The following MAN1C1 variants were observed in gnomAD, a reference collection of about 807,000 sequenced individuals.
MAN1C1 encodes mannosidase alpha class 1C member 1, also known as mannosyl-oligosaccharide 1,2-alpha-mannosidase IC.
MAN1C1 carries 49 observed loss-of-function variants against 71.5 expected under a neutral mutation model. The observed-to-expected ratio is 0.69, with a 90% CI of 0.54 to 0.87. The LOEUF (loss-of-function observed/expected upper bound fraction) is 0.87. MAN1C1 is among the 40% of genes least tolerant of loss of function. The pLI is 0.00. For synonymous variants in MAN1C1, 352 were observed against 343.7 expected (o/e 1.02, Z -0.27); for missense variants, 743 against 835.0 (o/e 0.89, Z 1.36).
intron 1 of MAN1C1, among the ~76,000 whole-genome samples, chr1:25,672,980 G>A (rs544947995): frequency 1.3e-5 from 2 of 152,222 alleles, no homozygotes; most frequent in African/African-American, 4.8e-5. Flanking sequence ...AGAAAGGATG[G>A]GGGTGACATG....
In MAN1C1 at chr1:25,775,637, G is replaced by A. The variant is rs925664431; in HGVS notation, c.1258-2468G>A. Among the ~76,000 whole-genome samples, 11 of 152,222 alleles carry A rather than the reference G, an allele frequency of 7.2e-5. No homozygotes were observed. The highest frequency in any genetic ancestry group is 2.7e-4 in the African/African-American group (11 of 41,448). ...TGACAGGGGCCCATAGGTAATGGCA[G>A]TGGCAGTGCTGGTTTAAATTGGGGC... On this transcript the variant is annotated intron_variant, in intron 8 of 11. Transcript: ENST00000374332. This position sits in a 1 kb window ranked among gnomAD's most constrained non-coding sequence, Gnocchi z 5.1.
chr1:25,687,764 G>T (rs553926382), intron 2 of MAN1C1, among the ~76,000 whole-genome samples: 59 of 152,068 alleles, frequency 3.9e-4, no homozygotes, highest in African/African-American at 1.3e-3. Flanking sequence ...GCAGCTTTAT[G>T]TATTTATTTT....
rs1363635970 is a variant in MAN1C1, at chr1:25,642,839, C to T, written c.540+24502C>T. ...GGCCGCTGGCTGCAGGAAGCAGTGA[C>T]GAGGATGGAGCTTGGCAGATGGTTG... On this transcript the variant is annotated intron_variant, in intron 1 of 11. Coordinates refer to ENST00000374332, the MANE Select transcript of MAN1C1 (RefSeq NM_020379.4). Among the ~76,000 whole-genome samples the T allele has an allele frequency of 3.3e-5, 5 of 152,240 alleles. No homozygotes were observed. The East Asian group carries it at 7.7e-4, about 23-fold the overall frequency.
intron 2 of MAN1C1, among the ~76,000 whole-genome samples, chr1:25,720,597 T>C (rs187715335): frequency 1.5e-4 from 23 of 152,348 alleles, no homozygotes; most frequent in African/African-American, 5.5e-4. Context: ...GACATATGAT[T>C]TGCAAGTATT....
At chr1:25,635,897 C>T (rs12402029) in intron 1 of MAN1C1, among the ~76,000 whole-genome samples, 13,521 of 152,162 alleles carry the variant, frequency 0.089, 1,343 homozygotes, top group East Asian at 0.22. Flanking sequence ...AGGTTCTTTC[C>T]ATTTTCCGTA....
chr1:25,617,268 G>T lies in MAN1C1; in HGVS notation c.-530G>T, dbSNP rs2045113498. 1.3e-5 allele frequency among the ~76,000 whole-genome samples: 2 copies of T among 151,924 alleles called. No homozygotes were observed. The highest frequency in any genetic ancestry group is 2.9e-5 in the Non-Finnish European group (2 of 67,940). On this transcript the variant is annotated 5_prime_UTR_variant, in exon 1 of 12. Transcript: ENST00000374332. The surrounding 1 kb of genome is among the most constrained non-coding windows in gnomAD (Gnocchi z 5.1). ...CGGGCCGGGTGTGCGCGCGCTCGGG[G>T]CGGCGCTGACACGCCAGCCCCCCAT...
intron 2 of MAN1C1, among the ~76,000 whole-genome samples, chr1:25,687,079 C>T (rs558123717): frequency 1.1e-3 from 170 of 152,156 alleles, no homozygotes; most frequent in Non-Finnish European, 1.9e-3. Flanking sequence ...AGTTCAGGTC[C>T]GGCCTGGGCA....
At chr1:25,763,486 C>CAAAAAAAAA (rs60144894) in intron 6 of MAN1C1, among the ~76,000 whole-genome samples, 4 of 87,632 alleles carry the variant, frequency 4.6e-5, no homozygotes, top group Non-Finnish European at 4.4e-5. Flanking sequence ...GAGACTGTCT[C>CAAAAAAAAA]AAAAAAAAAA....
At chr1:25,752,251 G>A (rs569131798) in intron 4 of MAN1C1, among the ~76,000 whole-genome samples, 3 of 152,092 alleles carry the variant, frequency 2.0e-5, no homozygotes, top group South Asian at 2.1e-4. Flanking sequence ...AGCCAGGCTC[G>A]TGCCACCATT....
At chr1:25,773,749 GTAGGAGAGAACTTTGAA>G (rs1459569830) in intron 8 of MAN1C1, among the ~76,000 whole-genome samples, 1 of 152,250 alleles carries the variant, frequency 6.6e-6, no homozygotes. Flanking sequence ...ACTTGATTTT[GTAGGAGAGAACTTTGAA>G]TAGAAGAGGC....
rs1411113256 is a variant in MAN1C1, at chr1:25,776,544, C to G, written c.1258-1561C>G. 6.6e-6 allele frequency among the ~76,000 whole-genome samples: 1 copy of G among 152,140 alleles called. No individual in the cohort carries two copies. The highest frequency in any genetic ancestry group is 2.4e-5 in the African/African-American group (1 of 41,436). On this transcript the variant is annotated intron_variant, in intron 8 of 11. Coordinates refer to ENST00000374332, the MANE Select transcript of MAN1C1 (RefSeq NM_020379.4). This position sits in a 1 kb window ranked among gnomAD's most constrained non-coding sequence, Gnocchi z 4.3. ...CTTCAGCCTGGGTGACAGAGTAAGA[C>G]TGTGTCTCAAAACAAAACGAATTGC...
At chr1:25,755,577 C>A (rs533958071) in intron 5 of MAN1C1, among the ~76,000 whole-genome samples, 4 of 152,194 alleles carry the variant, frequency 2.6e-5, no homozygotes, top group Non-Finnish European at 5.9e-5. Flanking sequence ...CACGTGAGCA[C>A]GTGACATGGA....
At chr1:25,749,133 T>A (rs982387658) in intron 3 of MAN1C1, 122 bp from the exon 4 acceptor site, 5 of 684,232 alleles carry the variant, frequency 7.3e-6, no homozygotes, top group Non-Finnish European at 1.2e-5. Flanking sequence ...ATCGTCACCT[T>A]GCCTGGCTTA....
At chr1:25,771,986 T>C (rs2047559410) in intron 8 of MAN1C1, 2 of 538,544 alleles carry the variant, frequency 3.7e-6, no homozygotes, top group Non-Finnish European at 6.6e-6. Context: ...ACTGGGGCTT[T>C]GTTAGATGTG....
At chr1:25,650,912 A>G (rs905668718) in intron 1 of MAN1C1, among the ~76,000 whole-genome samples, 5 of 152,194 alleles carry the variant, frequency 3.3e-5, no homozygotes, top group Non-Finnish European at 7.4e-5. Flanking sequence ...TTAATAGCAA[A>G]GGCTAAAGGG....
In MAN1C1 at chr1:25,778,348, A is replaced by C; in HGVS notation, c.1477+24A>C. ...AGGTAACCCTGCAAGGGGAAGGGGC[A>C]GCAGGAGAGACTGAGGCTAGACACC... On this transcript the variant is annotated intron_variant, in intron 9 of 11. Coordinates refer to ENST00000374332, the MANE Select transcript of MAN1C1 (RefSeq NM_020379.4). The surrounding 1 kb of genome is among the most constrained non-coding windows in gnomAD (Gnocchi z 5.5). The C allele has an allele frequency of 6.3e-7, 1 of 1,586,834 alleles. No individual in the cohort carries two copies. Among genetic ancestry groups the C allele is most frequent in the Non-Finnish European group, 8.6e-7 (1 of 1,162,812 alleles).
At position 25,753,596 on chromosome 1, in the gene MAN1C1, T is replaced by C. The variant is rs773135603; in HGVS notation, c.929+18T>C. ...TTCAAAAGGTAGGGCGCCATCGCGT[T>C]CCCCACTGGGGCTTTACTGCGACCA... is the stretch of plus-strand genomic sequence containing the variant. On this transcript the variant is annotated intron_variant, in intron 5 of 11. Transcript: ENST00000374332. The surrounding 1 kb of genome is among the most constrained non-coding windows in gnomAD (Gnocchi z 4.9). 6 of 1,608,990 alleles carry C rather than the reference T, an allele frequency of 3.7e-6. No individual in the cohort carries two copies. In the African/African-American group the frequency reaches 8.0e-5, roughly 22 times the overall value.
At chr1:25,713,517 G>A (rs983606879) in intron 2 of MAN1C1, among the ~76,000 whole-genome samples, 1 of 152,208 alleles carries the variant, frequency 6.6e-6, no homozygotes, top group African/African-American at 2.4e-5. Context: ...AGCAGGACAC[G>A]ACAGTGCACA....
intron 2 of MAN1C1, among the ~76,000 whole-genome samples, chr1:25,701,819 G>T (rs2046447840): frequency 6.6e-6 from 1 of 152,200 alleles, no homozygotes; most frequent in Admixed American, 6.5e-5. Flanking sequence ...CGGCACTTTG[G>T]GAGGCCCAGG....
Sources: gnomAD v4.1 joint callset for allele counts (sites outside exome capture counted in the v4.1 genomes callset) on GRCh38, gnomAD v4.1.1 for gene constraint, Gnocchi (gnomAD v3.1) non-coding constraint, MANE v1.5 for transcripts, NCBI Gene and HGNC (gene_info 2026-07-23, HGNC 2026-07-21) for gene names.